Variants in CREB3L2 observed in about 807,000 individuals in gnomAD.
The protein encoded by CREB3L2 is cAMP responsive element binding protein 3 like 2, also known as cyclic AMP-responsive element-binding protein 3-like protein 2.
Under a neutral mutation model 57.2 loss-of-function variants are expected in CREB3L2, and 23 were observed. The observed-to-expected ratio is 0.40, with a 90% CI of 0.29 to 0.57. The LOEUF (loss-of-function observed/expected upper bound fraction) is 0.57, where lower values mean the gene tolerates loss of function less well. Among genes scored for constraint, CREB3L2 ranks in the 20% least tolerant of loss-of-function variants. The pLI is 0.42. For missense variants in CREB3L2, 628 were observed against 634.7 expected (o/e 0.99, Z 0.11); for synonymous variants, 268 against 265.1 (o/e 1.01, Z -0.11).
At chr7:137,907,803 GT>G (rs1172059797) in intron 5 of CREB3L2, among the ~76,000 whole-genome samples, 1 of 152,144 alleles carries the variant, frequency 6.6e-6, no homozygotes, top group Non-Finnish European at 1.5e-5. Context: ...GGCTTAAACT[GT>G]TTTTGACCTT....
rs544427364 is a variant in CREB3L2 at position 137,980,879 on chromosome 7, A to AC, written c.102+20724dup. Among the ~76,000 whole-genome samples, 118 of 152,068 alleles carry AC rather than the reference A, an allele frequency of 7.8e-4. No individual in the cohort carries two copies. The highest frequency in any genetic ancestry group is 6.8e-3 in the Middle Eastern group (2 of 294). ...CTGGCCCCTGTTCCTCCACAATGTGACCCCCCTTTGTCGCCAGCTACTCCA... is the reference window on the plus strand; with the variant it reads ...CTGGCCCCTGTTCCTCCACAATGTGACCCCCCCTTTGTCGCCAGCTACTCCA... On this transcript the variant is annotated intron_variant, in intron 1 of 11. Transcript: ENST00000330387. The surrounding 1 kb of genome is among the most constrained non-coding windows in gnomAD (Gnocchi z 4.3).
chr7:138,001,885 G>C lies in CREB3L2; in HGVS notation c.-180C>G. On this transcript the variant is annotated 5_prime_UTR_variant, in exon 1 of 12. Transcript: ENST00000330387. The surrounding 1 kb of genome is among the most constrained non-coding windows in gnomAD (Gnocchi z 4.2). The stretch of plus-strand genomic sequence containing the variant: ...TCTGCCGGAGAGAGGATGGCCAAGC[G>C]CTCCCGTCCGGTGTCCTCGGAGATC... 2.1e-6 allele frequency: 1 copy of C among 479,526 alleles called. No homozygotes were observed. The highest frequency in any genetic ancestry group is 3.7e-6 in the Non-Finnish European group (1 of 269,712). The allele number at this position is 479,526 out of a possible 1,614,324, so 29.7% of individuals were successfully genotyped here. A position where few individuals can be genotyped will look rare whatever the true frequency, so the allele number is the denominator to read the frequency against.
rs1341498919 is a variant in CREB3L2 at position 137,880,417 on chromosome 7, G to A, written c.*59C>T. 1 of 1,351,502 alleles carries A rather than the reference G, an allele frequency of 7.4e-7. No individual in the cohort carries two copies. Among genetic ancestry groups the A allele is most frequent in the Non-Finnish European group, 1.1e-6 (1 of 949,278 alleles). 83.7% of individuals were successfully genotyped at this position (1,351,502 alleles called of 1,614,324 possible). On this transcript the variant is annotated 3_prime_UTR_variant, in exon 12 of 12. Transcript: ENST00000330387. This position sits in a 1 kb window ranked among gnomAD's most constrained non-coding sequence, Gnocchi z 4.0. ...GCAAAGAGGAAAAGCTGATGACAAAGGTGGTTTGGGGATGTAAAAGTAGAG... is the reference window on the plus strand; with the variant it reads ...GCAAAGAGGAAAAGCTGATGACAAAAGTGGTTTGGGGATGTAAAAGTAGAG...
intron 10 of CREB3L2, among the ~76,000 whole-genome samples, chr7:137,882,911 C>T (rs188676508): frequency 6.2e-4 from 94 of 151,646 alleles, no homozygotes; most frequent in Middle Eastern, 6.8e-3. Context: ...ATAAAACTCC[C>T]CCCTTACCAC....
chr7:137,896,928 C>T (rs1484361318), intron 8 of CREB3L2, among the ~76,000 whole-genome samples: 2 of 152,096 alleles, frequency 1.3e-5, no homozygotes, highest in African/African-American at 4.8e-5. Flanking sequence ...CTCACAGAAA[C>T]AAGAGAATAG....
At chr7:137,887,816 C>G (rs1420563007) in intron 8 of CREB3L2, among the ~76,000 whole-genome samples, 1 of 152,170 alleles carries the variant, frequency 6.6e-6, no homozygotes, top group Non-Finnish European at 1.5e-5. Context: ...TAGTTAATAT[C>G]ACTAATTTAA....
chr7:137,895,784 G>T (rs2117190622), intron 8 of CREB3L2, among the ~76,000 whole-genome samples: 1 of 152,234 alleles, frequency 6.6e-6, no homozygotes, highest in South Asian at 2.1e-4. Flanking sequence ...CTTTCATTTG[G>T]TCAATGATGA....
At chr7:137,885,224 C>T in intron 9 of CREB3L2, 103 bp from the exon 10 acceptor site, 1 of 1,360,844 alleles carries the variant, frequency 7.3e-7, no homozygotes, top group Non-Finnish European at 1.0e-6. Context: ...CTCTTCAGGC[C>T]AGTGGACTGC....
At chr7:137,936,899 A>T (rs938210651) in intron 1 of CREB3L2, among the ~76,000 whole-genome samples, 1 of 152,256 alleles carries the variant, frequency 6.6e-6, no homozygotes, top group Admixed American at 6.5e-5. Context: ...AAAGGAGGAC[A>T]GAGAACACCC....
At chr7:137,984,778 T>C (rs1281985797) in intron 1 of CREB3L2, among the ~76,000 whole-genome samples, 1 of 152,228 alleles carries the variant, frequency 6.6e-6, no homozygotes, top group Non-Finnish European at 1.5e-5. Flanking sequence ...AGGATATTTT[T>C]CTTTCGGTTG....
chr7:138,000,176 C>G (rs1802051698), intron 1 of CREB3L2, among the ~76,000 whole-genome samples: 1 of 152,214 alleles, frequency 6.6e-6, no homozygotes, highest in East Asian at 1.9e-4. Flanking sequence ...CGAAAGAATA[C>G]TTCAAGAACA....
intron 7 of CREB3L2, among the ~76,000 whole-genome samples, chr7:137,901,793 C>T (rs561870957): frequency 1.5e-3 from 204 of 140,014 alleles, no homozygotes; most frequent in Non-Finnish European, 4.8e-4. Flanking sequence ...GCAGGAGAAT[C>T]GCTTGAACCC....
Position 137,877,726 on chromosome 7 carries a change from T to C in CREB3L2, c.*2750A>G. 2 of 227,940 alleles carry C rather than the reference T, an allele frequency of 8.8e-6. No homozygotes were observed. The highest frequency in any genetic ancestry group is 1.7e-5 in the Non-Finnish European group (2 of 114,878). The allele number at this position is 227,940 out of a possible 1,614,324, so 14.1% of individuals were successfully genotyped here. ...CTCAAAACTTACATTCAGAAGACAC[T>C]GTCTGCCACTATTTGAAATCTTTAG... On this transcript the variant is annotated 3_prime_UTR_variant, in exon 12 of 12. Transcript: ENST00000330387.
At chr7:137,885,587 C>G (rs927147314) in intron 8 of CREB3L2, 85 bp from the exon 9 acceptor site, 14 of 1,077,878 alleles carry the variant, frequency 1.3e-5, no homozygotes. Context: ...AGAAGGCCGC[C>G]GTGCCTTTGT....
chr7:137,969,855 T>G (rs1272376405), intron 1 of CREB3L2, among the ~76,000 whole-genome samples: 2 of 151,406 alleles, frequency 1.3e-5, no homozygotes, highest in African/African-American at 4.9e-5. Flanking sequence ...TAGCAACTGA[T>G]GGATTTAGTC....
intron 1 of CREB3L2, among the ~76,000 whole-genome samples, chr7:137,992,924 A>G (rs146230867): frequency 3.3e-5 from 5 of 152,358 alleles, no homozygotes; most frequent in Non-Finnish European, 7.4e-5. Flanking sequence ...GGTAGAGACT[A>G]AGGAAATGGA....
chr7:137,987,057 A>G (rs1386092976), intron 1 of CREB3L2, among the ~76,000 whole-genome samples: 13 of 152,290 alleles, frequency 8.5e-5, no homozygotes, highest in Admixed American at 2.6e-4. Flanking sequence ...CGGCTCCAAC[A>G]TGGGTCTTGG....
chr7:137,981,690 G>A (rs1182535195), intron 1 of CREB3L2, among the ~76,000 whole-genome samples: 1 of 152,188 alleles, frequency 6.6e-6, no homozygotes, highest in Non-Finnish European at 1.5e-5. Context: ...CCATTTAGAG[G>A]CAGAAAAGCC....
Position 137,991,060 on chromosome 7 carries a change from A to T in CREB3L2, c.102+10544T>A, listed in dbSNP as rs1801884772. ...TTAAGTCAGAAAACAGAGACTACAA[A>T]ACGCAAAACTACACCTGCCAATTGA... On this transcript the variant is annotated intron_variant, in intron 1 of 11. Coordinates refer to ENST00000330387, the MANE Select transcript of CREB3L2 (RefSeq NM_194071.4). Among the ~76,000 whole-genome samples the T allele has an allele frequency of 3.3e-5, 5 of 152,336 alleles. No homozygotes were observed. In the South Asian group the frequency reaches 1.0e-3, roughly 32 times the overall value.
Sources: gnomAD v4.1 joint callset for allele counts (sites outside exome capture counted in the v4.1 genomes callset) on GRCh38, gnomAD v4.1.1 for gene constraint, Gnocchi (gnomAD v3.1) non-coding constraint, MANE v1.5 for transcripts, NCBI Gene and HGNC (gene_info 2026-07-23, HGNC 2026-07-21) for gene names.